Variants in ARHGEF10L observed in about 807,000 individuals in gnomAD.
ARHGEF10L encodes rho guanine nucleotide exchange factor 10-like protein.
A neutral mutation model predicts 141.2 loss-of-function variants in ARHGEF10L; 69 were observed. The observed-to-expected ratio is 0.49, with a 90% confidence interval of 0.40 to 0.60. The LOEUF (loss-of-function observed/expected upper bound fraction) is 0.60. Ranked by LOEUF, ARHGEF10L falls within the 20% of genes least tolerant of loss-of-function variation. ARHGEF10L has a pLI of 0.00. For synonymous variants in ARHGEF10L, 711 were observed against 718.5 expected (o/e 0.99, Z 0.17); for missense variants, 1,482 against 1,734.3 (o/e 0.85, Z 2.58).
chr1:17,651,585 C>T (rs1236316913), intron 22 of ARHGEF10L, among the ~76,000 whole-genome samples: 2 of 152,174 alleles, frequency 1.3e-5, no homozygotes, highest in Non-Finnish European at 2.9e-5. Flanking sequence ...CCACTGCCTC[C>T]AAGGCCTCCC....
chr1:17,690,989 C>T (rs1012981620), intron 27 of ARHGEF10L: 4 of 321,760 alleles, frequency 1.2e-5, no homozygotes, highest in Admixed American at 4.7e-5. Flanking sequence ...TGTTCCTACA[C>T]TAAGTGTGGA....
At chr1:17,600,137 C>A (rs868445893) in intron 4 of ARHGEF10L, among the ~76,000 whole-genome samples, 3 of 152,340 alleles carry the variant, frequency 2.0e-5, no homozygotes, top group Non-Finnish European at 2.9e-5. Context: ...TCTTCTACTT[C>A]CCTGCAGAAT....
chr1:17,594,477 G>GTTTCT, intron 4 of ARHGEF10L, among the ~76,000 whole-genome samples: 1 of 152,170 alleles, frequency 6.6e-6, no homozygotes, highest in East Asian at 1.9e-4. Flanking sequence ...CTAACCCTCA[G>GTTTCT]TTTCTTTTCT....
At chr1:17,601,829 C>G (rs987659742) in intron 4 of ARHGEF10L, among the ~76,000 whole-genome samples, 4 of 152,170 alleles carry the variant, frequency 2.6e-5, no homozygotes, top group African/African-American at 9.7e-5. Context: ...TGGAGGTTCC[C>G]TTTGAGTCTG....
intron 1 of ARHGEF10L, among the ~76,000 whole-genome samples, chr1:17,547,367 TTTCTGAG>T (rs1217471334): frequency 6.6e-6 from 1 of 152,204 alleles, no homozygotes; most frequent in African/African-American, 2.4e-5. Context: ...TGAGGTGGCA[TTTCTGAG>T]TTTTGGAACC....
chr1:17,568,904 A>G lies in ARHGEF10L; in HGVS notation c.-43-11649A>G, dbSNP rs528491573. On this transcript the variant is annotated intron_variant, in intron 1 of 28. Coordinates refer to ENST00000361221, the MANE Select transcript of ARHGEF10L (RefSeq NM_018125.4). ...CCCTCCCTGCTCTCCCTCCCCCAAC[A>G]CCTCCAGCCCAGTCTTCCCTGTCCC... Among the ~76,000 whole-genome samples, 4 of 151,754 alleles carry G rather than the reference A, an allele frequency of 2.6e-5. No homozygotes were observed. In the East Asian group the frequency reaches 5.8e-4, roughly 22 times the overall value.
At chr1:17,593,387 C>T (rs555104617) in intron 4 of ARHGEF10L, among the ~76,000 whole-genome samples, 5 of 152,230 alleles carry the variant, frequency 3.3e-5, no homozygotes, top group Non-Finnish European at 7.4e-5. Flanking sequence ...TGTGACGCTG[C>T]GTGGCAAAGG....
chr1:17,648,493 C>G (rs2061725934), intron 21 of ARHGEF10L, 61 bp from the exon 22 acceptor site: 1 of 1,593,076 alleles, frequency 6.3e-7, no homozygotes, highest in Non-Finnish European at 8.6e-7. Context: ...GAGGGCTCCT[C>G]ATGGCCCAGT....
chr1:17,609,710 C>A (rs1160336969), intron 7 of ARHGEF10L, among the ~76,000 whole-genome samples: 1 of 152,078 alleles, frequency 6.6e-6, no homozygotes, highest in Admixed American at 6.6e-5. Flanking sequence ...CTGATGAGAC[C>A]AATCAGAGAC....
At chr1:17,553,780 C>A (rs2077201034) in intron 1 of ARHGEF10L, among the ~76,000 whole-genome samples, 2 of 152,220 alleles carry the variant, frequency 1.3e-5, no homozygotes, top group South Asian at 2.1e-4. Flanking sequence ...CAGAGTGAGA[C>A]CCTGTCTCTA....
intron 1 of ARHGEF10L, among the ~76,000 whole-genome samples, chr1:17,575,043 G>A (rs1484102728): frequency 6.6e-6 from 1 of 152,202 alleles, no homozygotes; most frequent in Non-Finnish European, 1.5e-5. Flanking sequence ...TGTGCCCTTT[G>A]GTTCCATGCT....
Position 17,573,064 on chromosome 1 carries a change from G to A in ARHGEF10L, c.-43-7489G>A, listed in dbSNP as rs72921017. Among the ~76,000 whole-genome samples the A allele has an allele frequency of 0.058, 8,761 of 152,162 alleles. 423 individuals are homozygous for A. The highest frequency in any genetic ancestry group is 0.15 in the East Asian group (750 of 5,162). On this transcript the variant is annotated intron_variant, in intron 1 of 28. Coordinates refer to ENST00000361221, the MANE Select transcript of ARHGEF10L (RefSeq NM_018125.4). The surrounding 1 kb of genome is among the most constrained non-coding windows in gnomAD (Gnocchi z 4.8). ...TCCAGCTCTTTCCTGCCATTCTTCCGTCTGTACACCTGCTGGGTTGCAGGG... is the reference window on the plus strand; with the variant it reads ...TCCAGCTCTTTCCTGCCATTCTTCCATCTGTACACCTGCTGGGTTGCAGGG...
intron 26 of ARHGEF10L, among the ~76,000 whole-genome samples, chr1:17,667,263 G>A (rs1425687236): frequency 6.6e-6 from 1 of 152,226 alleles, no homozygotes; most frequent in Non-Finnish European, 1.5e-5. Context: ...AGCCCTTGGG[G>A]CAACCTTCAG....
chr1:17,547,535 T>C (rs927598568), intron 1 of ARHGEF10L, among the ~76,000 whole-genome samples: 1 of 152,244 alleles, frequency 6.6e-6, no homozygotes, highest in African/African-American at 2.4e-5. Context: ...CTCTTCATTG[T>C]TTGAAGTGGG....
intron 27 of ARHGEF10L, among the ~76,000 whole-genome samples, chr1:17,691,933 A>G (rs2065138404): frequency 6.6e-6 from 1 of 152,162 alleles, no homozygotes; most frequent in African/African-American, 2.4e-5. Flanking sequence ...GGAGTTAACC[A>G]TGAGCACACA....
At chr1:17,618,534 T>C (rs543237798) in intron 9 of ARHGEF10L, 149 of 1,400,726 alleles carry the variant, frequency 1.1e-4, no homozygotes, top group Middle Eastern at 2.1e-4. Context: ...TAAGGGCCTA[T>C]TGGGGTGTCT....
chr1:17,573,442 C>T lies in ARHGEF10L; in HGVS notation c.-43-7111C>T, dbSNP rs992095039. ...ACACCCCTGATGTGGGGCTGAGGGT[C>T]TGGGGTTCTCTGGAGAAGAGGGGGG... On this transcript the variant is annotated intron_variant, in intron 1 of 28. Transcript: ENST00000361221. This position sits in a 1 kb window ranked among gnomAD's most constrained non-coding sequence, Gnocchi z 4.8. 6.6e-6 allele frequency among the ~76,000 whole-genome samples: 1 copy of T among 152,184 alleles called. No individual in the cohort carries two copies. Among genetic ancestry groups the T allele is most frequent in the Non-Finnish European group, 1.5e-5 (1 of 68,030 alleles).
chr1:17,547,139 A>G (rs2076946534), intron 1 of ARHGEF10L, among the ~76,000 whole-genome samples: 1 of 152,220 alleles, frequency 6.6e-6, no homozygotes, highest in Non-Finnish European at 1.5e-5. Flanking sequence ...GGGAAGGATA[A>G]TTGACCACTT....
chr1:17,590,363 C>T (rs923479732), intron 4 of ARHGEF10L, among the ~76,000 whole-genome samples: 10 of 152,044 alleles, frequency 6.6e-5, no homozygotes, highest in African/African-American at 1.9e-4. Flanking sequence ...AGGTCCCTCC[C>T]GGGGAGGCTT....
Sources: gnomAD v4.1 joint callset for allele counts (sites outside exome capture counted in the v4.1 genomes callset) on GRCh38, gnomAD v4.1.1 for gene constraint, Gnocchi (gnomAD v3.1) non-coding constraint, MANE v1.5 for transcripts, NCBI Gene and HGNC (gene_info 2026-07-23, HGNC 2026-07-21) for gene names.